CDH12: variants seen among roughly 807,000 people sequenced by gnomAD.
CDH12 encodes the protein cadherin 12.
In CDH12, 41 loss-of-function variants were observed where a neutral mutation model predicts 74.1. The ratio of observed to expected loss-of-function variants is 0.55; its 90% CI spans 0.43 to 0.72. The LOEUF (loss-of-function observed/expected upper bound fraction) is 0.72, where lower values mean the gene tolerates loss of function less well. Ranked by LOEUF, CDH12 falls within the 30% of genes least tolerant of loss-of-function variation. The probability of loss-of-function intolerance (pLI) is 0.00; values close to 1 mark genes in which losing one functional copy is unlikely to be tolerated. For missense variants in CDH12, 945 were observed against 977.2 expected (o/e 0.97, Z 0.44); for synonymous variants, 399 against 355.0 (o/e 1.12, Z -1.39).
chr5:22,816,639 C>CT (rs1388303000), intron 1 of CDH12, among the ~76,000 whole-genome samples: 1 of 152,112 alleles, frequency 6.6e-6, no homozygotes, highest in African/African-American at 2.4e-5. Flanking sequence ...TTTCCAACCA[C>CT]TTTTAGCATT....
At chr5:22,797,927 G>A (rs952544603) in intron 1 of CDH12, among the ~76,000 whole-genome samples, 22 of 152,102 alleles carry the variant, frequency 1.4e-4, no homozygotes, top group African/African-American at 4.3e-4. Context: ...AACCTAATGC[G>A]TTTTGGTACA....
In CDH12 at chr5:21,956,028, A is replaced by C. The variant is rs182850103; in HGVS notation, c.526+19063T>G. On this transcript the variant is annotated intron_variant, in intron 6 of 14. Coordinates refer to ENST00000382254, the MANE Select transcript of CDH12 (RefSeq NM_004061.5). Reference sequence around the variant, plus strand: ...TTCAAACATTGGAAAATACCAGAGAAAGATAATAAATATTTTACTCTTTAA... The same window carrying C: ...TTCAAACATTGGAAAATACCAGAGACAGATAATAAATATTTTACTCTTTAA... Among the ~76,000 whole-genome samples the C allele has an allele frequency of 1.8e-4, 28 of 152,246 alleles. 1 individual carries two copies. The East Asian group carries it at 4.8e-3, about 26-fold the overall frequency.
At chr5:22,200,287 C>A (rs1750854669) in intron 4 of CDH12, among the ~76,000 whole-genome samples, 1 of 152,170 alleles carries the variant, frequency 6.6e-6, no homozygotes, top group African/African-American at 2.4e-5. Context: ...AATTACACTT[C>A]TCTGAAGATC....
At chr5:22,236,699 T>A (rs1408540833) in intron 3 of CDH12, among the ~76,000 whole-genome samples, 1 of 152,150 alleles carries the variant, frequency 6.6e-6, no homozygotes, top group Non-Finnish European at 1.5e-5. Context: ...GTGAGCGAGA[T>A]GGTGCCACTG....
chr5:21,871,155 G>A (rs1490857067), intron 6 of CDH12, among the ~76,000 whole-genome samples: 2 of 151,910 alleles, frequency 1.3e-5, no homozygotes, highest in Admixed American at 6.6e-5. Context: ...GAATAGTGAG[G>A]GCTAAGAATT....
At chr5:21,775,668 C>A (rs1490221822) in intron 11 of CDH12, among the ~76,000 whole-genome samples, 1 of 151,874 alleles carries the variant, frequency 6.6e-6, no homozygotes, top group Non-Finnish European at 1.5e-5. Flanking sequence ...TATTTTAAAT[C>A]CTTAACTCAT....
intron 1 of CDH12, among the ~76,000 whole-genome samples, chr5:22,670,977 C>T (rs1705643875): frequency 6.6e-6 from 1 of 151,666 alleles, no homozygotes. Flanking sequence ...GTACTTATTT[C>T]TCTATTAGTT....
chr5:22,791,146 A>G (rs1054061846), intron 1 of CDH12, among the ~76,000 whole-genome samples: 1 of 152,174 alleles, frequency 6.6e-6, no homozygotes, highest in African/African-American at 2.4e-5. Context: ...TGGAAACAAT[A>G]TATATCAATT....
At chr5:21,752,787 A>AAAGGAAGTAGAGGAAGG (rs1240939668) in intron 14 of CDH12, among the ~76,000 whole-genome samples, 5 of 151,972 alleles carry the variant, frequency 3.3e-5, no homozygotes, top group Non-Finnish European at 5.9e-5. Flanking sequence ...GTAGAGGAAG[A>AAAGGAAGTAGAGGAAGG]AAGGAAGTAG....
chr5:22,744,133 T>C (rs1745171952), intron 1 of CDH12, among the ~76,000 whole-genome samples: 1 of 152,036 alleles, frequency 6.6e-6, no homozygotes, highest in Non-Finnish European at 1.5e-5. Flanking sequence ...ATTAACATTT[T>C]AAAACTCCAG....
At chr5:22,553,611 A>G (rs902808638) in intron 1 of CDH12, among the ~76,000 whole-genome samples, 5 of 152,188 alleles carry the variant, frequency 3.3e-5, no homozygotes, top group Non-Finnish European at 5.9e-5. Flanking sequence ...AACGCTGGTG[A>G]AAGAAATCAA....
At chr5:21,791,820 T>TA (rs1408614276) in intron 10 of CDH12, among the ~76,000 whole-genome samples, 2 of 151,890 alleles carry the variant, frequency 1.3e-5, no homozygotes, top group Non-Finnish European at 2.9e-5. Flanking sequence ...AAAATTTTTA[T>TA]TCTATTTATT....
intron 4 of CDH12, among the ~76,000 whole-genome samples, chr5:22,131,959 G>T (rs1240350076): frequency 6.6e-6 from 1 of 152,068 alleles, no homozygotes; most frequent in African/African-American, 2.4e-5. Flanking sequence ...AAAAGCTATG[G>T]AAAGGAAAAC....
chr5:22,096,119 A>G (rs1743766883), intron 4 of CDH12, among the ~76,000 whole-genome samples: 1 of 151,556 alleles, frequency 6.6e-6, no homozygotes, highest in Non-Finnish European at 1.5e-5. Context: ...CTTCTCCCTT[A>G]GCCTGTGCTC....
At chr5:22,815,417 A>T (rs190060300) in intron 1 of CDH12, among the ~76,000 whole-genome samples, 32 of 152,286 alleles carry the variant, frequency 2.1e-4, no homozygotes, top group African/African-American at 7.7e-4. Context: ...AATTTCAACA[A>T]GTAATGGCAA....
intron 5 of CDH12, among the ~76,000 whole-genome samples, chr5:22,064,540 A>ATATT (rs1412631258): frequency 1.3e-5 from 2 of 152,174 alleles, no homozygotes; most frequent in Admixed American, 6.6e-5. Context: ...CAGCACCAAT[A>ATATT]GTCCTTGGTG....
chr5:22,722,334 G>C (rs903456439), intron 1 of CDH12, among the ~76,000 whole-genome samples: 1 of 152,228 alleles, frequency 6.6e-6, no homozygotes, highest in Non-Finnish European at 1.5e-5. Context: ...TGTCTAGCAA[G>C]TTACAACCAA....
chr5:21,973,497 T>C (rs1425184438), intron 6 of CDH12, among the ~76,000 whole-genome samples: 1 of 152,166 alleles, frequency 6.6e-6, no homozygotes, highest in Non-Finnish European at 1.5e-5. Flanking sequence ...ACACGAAGGC[T>C]CCAACTCTGC....
At chr5:22,370,831 T>C (rs1038044720) in intron 3 of CDH12, among the ~76,000 whole-genome samples, 4 of 152,068 alleles carry the variant, frequency 2.6e-5, no homozygotes, top group African/African-American at 9.7e-5. Context: ...TGTTCTGCCT[T>C]CAACAGCAAA....
Sources: gnomAD v4.1 joint callset for allele counts (sites outside exome capture counted in the v4.1 genomes callset) on GRCh38, gnomAD v4.1.1 for gene constraint, MANE v1.5 for transcripts, NCBI Gene and HGNC (gene_info 2026-07-23, HGNC 2026-07-21) for gene names.